MED12L: variants seen among roughly 807,000 people sequenced by gnomAD.
MED12L encodes mediator complex subunit 12L, also known as mediator of RNA polymerase II transcription subunit 12-like protein.
A neutral mutation model predicts 281.3 loss-of-function variants in MED12L; 60 were observed. The observed-to-expected ratio is 0.21, with a 90% CI of 0.17 to 0.26. MED12L has a LOEUF of 0.26. Ranked by LOEUF, MED12L falls within the 10% of genes least tolerant of loss-of-function variation. The pLI, the probability that MED12L is intolerant of heterozygous loss-of-function variation, is 1.00. For synonymous variants in MED12L, 974 were observed against 987.2 expected, an observed-to-expected ratio of 0.99 and a Z score of 0.25; for missense variants, 2,146 against 2,680.9, an observed-to-expected ratio of 0.80 and a Z score of 4.41.
At chr3:151,197,381 C>A (rs1191982004) in intron 16 of MED12L, among the ~76,000 whole-genome samples, 2 of 152,266 alleles carry the variant, frequency 1.3e-5, no homozygotes, top group East Asian at 3.9e-4. Flanking sequence ...CCAGGCTAAT[C>A]TCTAACCCTT....
At chr3:151,160,295 G>A (rs917279629) in intron 8 of MED12L, among the ~76,000 whole-genome samples, 194 bp downstream of exon 8, 2 of 152,224 alleles carry the variant, frequency 1.3e-5, no homozygotes, top group South Asian at 2.1e-4. Flanking sequence ...TGTCACATTC[G>A]TCTAGGAGAG....
Position 151,164,126 on chromosome 3 carries a change from TA to T in MED12L, c.1257+85del, listed in dbSNP as rs772715551. On this transcript the variant is annotated intron_variant, in intron 9 of 44. Coordinates refer to ENST00000687756, the MANE Select transcript of MED12L (RefSeq NM_001393769.1). Reference sequence around the variant, plus strand: ...ACAGTGGGTCAAGCACAGGTTTTAGTATCTAGATGCTTGGGTGCTATCCCAG... The same window carrying T: ...ACAGTGGGTCAAGCACAGGTTTTAGTTCTAGATGCTTGGGTGCTATCCCAG... The T allele has an allele frequency of 1.1e-4, 163 of 1,437,950 alleles. 5 individuals carry two copies. In the South Asian group the frequency reaches 2.1e-3, roughly 18 times the overall value. 89.1% of individuals were successfully genotyped at this position (1,437,950 alleles called of 1,614,324 possible). A position where few individuals can be genotyped will look rare whatever the true frequency, so the allele number is the denominator to read the frequency against.
intron 2 of MED12L, among the ~76,000 whole-genome samples, chr3:151,107,692 A>C (rs1722248444): frequency 6.6e-6 from 1 of 152,218 alleles, no homozygotes; most frequent in Non-Finnish European, 1.5e-5. Flanking sequence ...AAACAGCTAT[A>C]ATAACAATAG....
At chr3:151,221,742 G>A (rs1428995665) in intron 16 of MED12L, among the ~76,000 whole-genome samples, 3 of 152,260 alleles carry the variant, frequency 2.0e-5, no homozygotes, top group African/African-American at 7.2e-5. Context: ...GAAGTTTGCT[G>A]CAGGGGCAGG....
At chr3:151,415,514 A>T (rs911666804) in intron 42 of MED12L, among the ~76,000 whole-genome samples, 13 of 152,232 alleles carry the variant, frequency 8.5e-5, no homozygotes, top group African/African-American at 2.9e-4. Context: ...ATATGGCAAT[A>T]GCTATTTATT....
intron 16 of MED12L, chr3:151,213,979 C>A: frequency 6.2e-7 from 1 of 1,613,972 alleles, no homozygotes; most frequent in Non-Finnish European, 8.5e-7. Context: ...GCTGATGAGC[C>A]CAAAGAACAC....
chr3:151,203,802 T>C (rs1472093611), intron 16 of MED12L, among the ~76,000 whole-genome samples: 3 of 152,184 alleles, frequency 2.0e-5, no homozygotes, highest in Admixed American at 2.0e-4. Flanking sequence ...TCTATGCTTA[T>C]GTATTTCCAC....
At position 151,264,146 on chromosome 3, in the gene MED12L, C is replaced by T. The variant is rs1220998047; in HGVS notation, c.2250+70480C>T. The stretch of plus-strand genomic sequence containing the variant: ...TGGACATTTGGGTTATTTCATTGTT[C>T]AGTGTTTAAAGATCTCTGTACTTGT... On this transcript the variant is annotated intron_variant, in intron 16 of 44. Coordinates refer to ENST00000687756, the MANE Select transcript of MED12L (RefSeq NM_001393769.1). 2.6e-5 allele frequency among the ~76,000 whole-genome samples: 4 copies of T among 152,282 alleles called. No homozygotes were observed. The South Asian group carries it at 8.3e-4, about 32-fold the overall frequency.
chr3:151,327,994 G>C, intron 16 of MED12L: 1 of 1,556,688 alleles, frequency 6.4e-7, no homozygotes, highest in African/African-American at 1.4e-5. Flanking sequence ...ACAGTTGTCA[G>C]CCTAAGGTTA....
At chr3:151,326,353 C>G (rs1393425320) in intron 16 of MED12L, 1 of 152,586 alleles carries the variant, frequency 6.6e-6, no homozygotes, top group African/African-American at 2.4e-5. Flanking sequence ...ATGAAACAAT[C>G]TCTCCTTTCA....
At chr3:151,223,594 C>T (rs1196041888) in intron 16 of MED12L, among the ~76,000 whole-genome samples, 1 of 152,094 alleles carries the variant, frequency 6.6e-6, no homozygotes, top group Non-Finnish European at 1.5e-5. Context: ...AAACAGAAAA[C>T]CAAATACCAC....
At chr3:151,214,247 TCTG>T (rs1205915602) in intron 16 of MED12L, 30 of 1,614,052 alleles carry the variant, frequency 1.9e-5, no homozygotes, top group Non-Finnish European at 2.5e-5. Context: ...ACAGGAATGA[TCTG>T]CTGAGTGATC....
intron 5 of MED12L, among the ~76,000 whole-genome samples, chr3:151,147,401 C>T (rs1717884846): frequency 6.6e-6 from 1 of 152,132 alleles, no homozygotes; most frequent in Non-Finnish European, 1.5e-5. Flanking sequence ...ATAATTCATC[C>T]ATTTAAAGTC....
At chr3:151,141,205 G>A (rs1159972118) in intron 5 of MED12L, among the ~76,000 whole-genome samples, 3 of 68,710 alleles carry the variant, frequency 4.4e-5, no homozygotes, top group African/African-American at 3.4e-4. Flanking sequence ...TTTTTTGTTA[G>A]TAGAGACGGG....
At chr3:151,360,442 T>C in intron 20 of MED12L, 32 bp from the exon 21 acceptor site, 2 of 1,602,058 alleles carry the variant, frequency 1.2e-6, no homozygotes, top group Non-Finnish European at 1.7e-6. Context: ...TACAAATCTA[T>C]GTCTTATTTC....
intron 16 of MED12L, among the ~76,000 whole-genome samples, chr3:151,243,830 T>A (rs1399386363): frequency 6.6e-6 from 1 of 150,878 alleles, no homozygotes; most frequent in Admixed American, 6.6e-5. Context: ...GCAAATTGGA[T>A]AAAGAGTCAA....
At chr3:151,296,195 G>A (rs1745066796) in intron 16 of MED12L, among the ~76,000 whole-genome samples, 1 of 152,068 alleles carries the variant, frequency 6.6e-6, no homozygotes, top group African/African-American at 2.4e-5. Context: ...TATTTATTGT[G>A]GGAATTTTTA....
At chr3:151,231,482 G>A (rs1424267841) in intron 16 of MED12L, among the ~76,000 whole-genome samples, 3 of 152,166 alleles carry the variant, frequency 2.0e-5, no homozygotes, top group African/African-American at 7.2e-5. Flanking sequence ...TTAGTTAGAT[G>A]TACACAACAT....
intron 16 of MED12L, among the ~76,000 whole-genome samples, chr3:151,246,614 A>G (rs1444545101): frequency 2.0e-5 from 3 of 152,200 alleles, no homozygotes; most frequent in Non-Finnish European, 4.4e-5. Context: ...TTATACAAAA[A>G]TCAATTCAAG....
Sources: allele counts gnomAD v4.1 joint callset (sites outside exome capture counted in the v4.1 genomes callset), GRCh38; gene constraint gnomAD v4.1.1; transcripts MANE v1.5; gene names NCBI Gene and HGNC (gene_info 2026-07-23, HGNC 2026-07-21).